The following FER1L6 variants were observed in gnomAD, a reference collection of about 807,000 sequenced individuals.
FER1L6 encodes the protein fer-1-like protein 6.
Under a neutral mutation model 219.2 loss-of-function variants are expected in FER1L6, and 177 were observed. The observed-to-expected ratio is 0.81, with a 90% CI of 0.71 to 0.91. The LOEUF is 0.91. Among genes scored for constraint, FER1L6 ranks in the 40% least tolerant of loss-of-function variants. The pLI, the probability that FER1L6 is intolerant of heterozygous loss-of-function variation, is 0.00. For synonymous variants in FER1L6, 768 were observed against 824.3 expected (o/e 0.93, Z 1.17); for missense variants, 2,153 against 2,259.9 (o/e 0.95, Z 0.96).
Position 123,865,470 on chromosome 8 carries a change from A to G in FER1L6, c.-8+13285A>G, listed in dbSNP as rs530348219. Among the ~76,000 whole-genome samples the G allele has an allele frequency of 2.4e-4, 36 of 151,504 alleles. 2 individuals are homozygous for G. Among genetic ancestry groups the G allele is most frequent in the African/African-American group, 4.7e-4 (19 of 40,766 alleles). On this transcript the variant is annotated intron_variant, in intron 1 of 40. Transcript: ENST00000522917. ...CCCTGCCCCCAGAGGTGGAGCCTAC[A>G]GAGGCATGCAGACCTCCTTGAGCTG...
intron 26 of FER1L6, among the ~76,000 whole-genome samples, chr8:124,065,400 C>CAAAAA (rs60695255): frequency 7.2e-5 from 4 of 55,188 alleles, no homozygotes; most frequent in East Asian, 4.7e-4. Flanking sequence ...GCCTCCATCT[C>CAAAAA]AAAAAAAAAA....
At chr8:124,022,961 G>A (rs905321795) in intron 17 of FER1L6, among the ~76,000 whole-genome samples, 1 of 152,088 alleles carries the variant, frequency 6.6e-6, no homozygotes, top group Non-Finnish European at 1.5e-5. Flanking sequence ...CTCCCAGGCT[G>A]GAGTGCAGTG....
At chr8:123,979,649 A>T (rs1298243461) in intron 10 of FER1L6, among the ~76,000 whole-genome samples, 1 of 152,186 alleles carries the variant, frequency 6.6e-6, no homozygotes, top group Non-Finnish European at 1.5e-5. Flanking sequence ...TTTAAATTCT[A>T]TGTTCAGAAC....
At chr8:123,932,104 T>C (rs1813791842) in intron 1 of FER1L6, among the ~76,000 whole-genome samples, 1 of 152,212 alleles carries the variant, frequency 6.6e-6, no homozygotes, top group Non-Finnish European at 1.5e-5. Context: ...CCGTATTTAT[T>C]TTATTTTATT....
At chr8:123,977,351 C>T (rs1816126495) in intron 9 of FER1L6, 66 bp from the exon 10 acceptor site, 2 of 1,476,038 alleles carry the variant, frequency 1.4e-6, no homozygotes, top group Non-Finnish European at 1.8e-6. Context: ...TTCCAGCTGG[C>T]TTGAAGAGTT....
chr8:124,049,044 T>C (rs200074197), intron 21 of FER1L6, among the ~76,000 whole-genome samples: 4 of 79,988 alleles, frequency 5.0e-5, no homozygotes, highest in South Asian at 4.4e-4. Context: ...CCCCACCACC[T>C]TTTTTTTTTT....
At chr8:124,082,672 A>C (rs920646008) in intron 33 of FER1L6, among the ~76,000 whole-genome samples, 3 of 152,164 alleles carry the variant, frequency 2.0e-5, no homozygotes, top group Non-Finnish European at 4.4e-5. Context: ...GCTCTGATTG[A>C]GAACCAAGGG....
chr8:123,888,351 T>C (rs1460109368), intron 1 of FER1L6, among the ~76,000 whole-genome samples: 1 of 152,016 alleles, frequency 6.6e-6, no homozygotes, highest in Non-Finnish European at 1.5e-5. Flanking sequence ...TCCTGGCCTG[T>C]TGCAATCCAC....
chr8:124,013,645 T>C, intron 15 of FER1L6, 114 bp downstream of exon 15: 2 of 538,940 alleles, frequency 3.7e-6, no homozygotes, highest in Non-Finnish European at 6.4e-6. Flanking sequence ...TTTAGAGTGC[T>C]GTATCCATCT....
intron 1 of FER1L6, among the ~76,000 whole-genome samples, chr8:123,936,163 G>A (rs1813992265): frequency 6.6e-6 from 1 of 152,122 alleles, no homozygotes; most frequent in East Asian, 1.9e-4. Flanking sequence ...TACTGTAGGA[G>A]GAATGCCAAC....
intron 39 of FER1L6, among the ~76,000 whole-genome samples, chr8:124,114,904 T>TAC (rs1823177659): frequency 8.2e-6 from 1 of 122,148 alleles, no homozygotes; most frequent in South Asian, 2.4e-4. Flanking sequence ...CGTATATATA[T>TAC]ATATATATAT....
Position 124,071,581 on chromosome 8 carries a change from A to AT in FER1L6, c.4044dup (p.Pro1349SerfsTer19). The AT allele has an allele frequency of 1.2e-6, 2 of 1,614,128 alleles. No homozygotes were observed. Among genetic ancestry groups the AT allele is most frequent in the Non-Finnish European group, 1.7e-6 (2 of 1,179,994 alleles). On this transcript the variant is annotated frameshift_variant, in exon 31 of 41. Transcript: ENST00000522917. LOFTEE classifies it high-confidence loss of function. The stretch of plus-strand genomic sequence containing the variant: ...CGGGCAGCTGAGAATCCAGCAAGGG[A>AT]TTCCGCCCAATCACCCTGTCACAGT...
At chr8:123,952,214 G>A (rs1024263711) in intron 1 of FER1L6, among the ~76,000 whole-genome samples, 1 of 152,196 alleles carries the variant, frequency 6.6e-6, no homozygotes, top group Non-Finnish European at 1.5e-5. Flanking sequence ...GGAGCCTGGA[G>A]CTCAGAGAAG....
intron 1 of FER1L6, among the ~76,000 whole-genome samples, chr8:123,918,900 G>A (rs1181918344): frequency 6.6e-6 from 1 of 152,106 alleles, no homozygotes; most frequent in Non-Finnish European, 1.5e-5. Context: ...GGTCAGGCGT[G>A]GGGTATGGAG....
At chr8:123,959,904 T>C (rs1277618580) in intron 2 of FER1L6, among the ~76,000 whole-genome samples, 2 of 152,236 alleles carry the variant, frequency 1.3e-5, no homozygotes, top group Non-Finnish European at 1.5e-5. Context: ...AAAAGGATTC[T>C]GTTGCTTTAA....
chr8:124,091,661 G>A, intron 34 of FER1L6, 78 bp downstream of exon 34: 1 of 1,476,134 alleles, frequency 6.8e-7, no homozygotes, highest in Admixed American at 1.8e-5. Flanking sequence ...TTGGCTATGG[G>A]ACATCTAATT....
chr8:123,983,896 A>G (rs1048261002), intron 11 of FER1L6, among the ~76,000 whole-genome samples: 9 of 152,204 alleles, frequency 5.9e-5, no homozygotes, highest in Non-Finnish European at 8.8e-5. Flanking sequence ...GAGTGAGTAA[A>G]GTAGAAATGC....
chr8:124,084,416 T>C (rs1031711938), intron 33 of FER1L6, among the ~76,000 whole-genome samples: 1 of 152,140 alleles, frequency 6.6e-6, no homozygotes, highest in East Asian at 1.9e-4. Context: ...TTTTTTATTG[T>C]GTTGAGCTAT....
intron 1 of FER1L6, among the ~76,000 whole-genome samples, chr8:123,915,544 A>C (rs1353906454): frequency 6.6e-6 from 1 of 152,150 alleles, no homozygotes; most frequent in Non-Finnish European, 1.5e-5. Flanking sequence ...TCATTAATTA[A>C]ATTTTTGTTG....
Sources: gnomAD v4.1 joint callset for allele counts (sites outside exome capture counted in the v4.1 genomes callset) on GRCh38, gnomAD v4.1.1 for gene constraint, MANE v1.5 for transcripts, NCBI Gene and HGNC (gene_info 2026-07-23, HGNC 2026-07-21) for gene names.